Variants in ARL15 observed in about 807,000 individuals in gnomAD.
ARL15 encodes ADP-ribosylation factor-like protein 15.
In ARL15, 19 loss-of-function variants were observed where a neutral mutation model predicts 25.2. The observed-to-expected ratio is 0.75, with a 90% CI of 0.53 to 1.10. ARL15 has a LOEUF of 1.10. Among genes scored for constraint, ARL15 ranks in the 50% least tolerant of loss-of-function variants. The pLI, the probability that ARL15 is intolerant of heterozygous loss-of-function variation, is 0.00. For synonymous variants in ARL15, 94 were observed against 86.8 expected, an observed-to-expected ratio of 1.08 and a Z score of -0.46; for missense variants, 220 against 246.0, an observed-to-expected ratio of 0.89 and a Z score of 0.71.
intron 3 of ARL15, among the ~76,000 whole-genome samples, chr5:54,150,157 T>C (rs574271740): frequency 5.6e-4 from 85 of 152,340 alleles, no homozygotes; most frequent in Non-Finnish European, 1.2e-3. Flanking sequence ...CCACCACAAC[T>C]TTCTAGAACT....
intron 4 of ARL15, among the ~76,000 whole-genome samples, chr5:54,004,584 C>T (rs1162333923): frequency 2.0e-5 from 3 of 151,980 alleles, no homozygotes; most frequent in Non-Finnish European, 1.5e-5. Context: ...CCAGTGGCTT[C>T]GGTGGCAGAT....
At chr5:54,064,517 A>T (rs1751159899) in intron 4 of ARL15, among the ~76,000 whole-genome samples, 1 of 152,216 alleles carries the variant, frequency 6.6e-6, no homozygotes, top group African/African-American at 2.4e-5. Flanking sequence ...AGAAATGAGG[A>T]TTGAGAAAAA....
chr5:54,052,873 T>G (rs1215254195), intron 4 of ARL15, among the ~76,000 whole-genome samples: 2 of 152,064 alleles, frequency 1.3e-5, no homozygotes, highest in Non-Finnish European at 2.9e-5. Flanking sequence ...GACCAGGGCT[T>G]CTTCAACAAA....
At chr5:54,028,082 G>A (rs696196) in intron 4 of ARL15, among the ~76,000 whole-genome samples, 57,062 of 151,616 alleles carry the variant, frequency 0.38, 12,617 homozygotes, top group Admixed American at 0.49. Context: ...CACCACGCCC[G>A]GCTAATTTTT....
At chr5:53,925,587 G>A (rs1745993244) in intron 4 of ARL15, among the ~76,000 whole-genome samples, 1 of 152,208 alleles carries the variant, frequency 6.6e-6, no homozygotes, top group Non-Finnish European at 1.5e-5. Context: ...AGGATCGTTT[G>A]AGGTCAGGAG....
chr5:54,066,666 T>G (rs1391753341), intron 4 of ARL15, among the ~76,000 whole-genome samples: 2 of 152,150 alleles, frequency 1.3e-5, no homozygotes, highest in Admixed American at 1.3e-4. Flanking sequence ...TGGCATCTAG[T>G]GGACTGAGGC....
intron 4 of ARL15, among the ~76,000 whole-genome samples, chr5:54,107,519 T>A (rs746270948): frequency 3.9e-5 from 6 of 152,096 alleles, no homozygotes; most frequent in Non-Finnish European, 8.8e-5. Flanking sequence ...TGTTCTGCTC[T>A]GTGTTGAAAA....
At chr5:54,102,414 GT>G (rs1261454845) in intron 4 of ARL15, among the ~76,000 whole-genome samples, 1 of 152,098 alleles carries the variant, frequency 6.6e-6, no homozygotes, top group Non-Finnish European at 1.5e-5. Context: ...TTTGTGCCAT[GT>G]TTTGGAAAAT....
At position 53,914,654 on chromosome 5, in the gene ARL15, C is replaced by T. The variant is rs188294793; in HGVS notation, c.463-27941G>A. Among the ~76,000 whole-genome samples, 534 of 152,314 alleles carry T rather than the reference C, an allele frequency of 3.5e-3. 11 individuals are homozygous for T. The highest frequency in any genetic ancestry group is 0.03 in the Admixed American group (453 of 15,302). On this transcript the variant is annotated intron_variant, in intron 4 of 4. Coordinates refer to ENST00000504924, the MANE Select transcript of ARL15 (RefSeq NM_019087.3). ...AAGTAGACCCTCTCACTCATCTTGG[C>T]GAATTCCGCATCTGGAGCAAGGTCT...
chr5:54,259,308 G>A (rs1280227969), intron 1 of ARL15, among the ~76,000 whole-genome samples: 5 of 152,138 alleles, frequency 3.3e-5, no homozygotes, highest in African/African-American at 1.2e-4. Flanking sequence ...GGGGTTGGCT[G>A]CTGTCAAACA....
At chr5:54,037,004 A>G (rs1750188656) in intron 4 of ARL15, among the ~76,000 whole-genome samples, 1 of 152,114 alleles carries the variant, frequency 6.6e-6, no homozygotes, top group South Asian at 2.1e-4. Context: ...ATCTTTTATA[A>G]TTAAAACTGA....
intron 4 of ARL15, among the ~76,000 whole-genome samples, chr5:53,887,086 C>T (rs988723172): frequency 2.6e-5 from 4 of 152,192 alleles, no homozygotes; most frequent in African/African-American, 9.6e-5. Context: ...CTTTCACTAT[C>T]TCACCTTGCC....
At chr5:54,193,454 T>C (rs1412426680) in intron 1 of ARL15, among the ~76,000 whole-genome samples, 1 of 152,160 alleles carries the variant, frequency 6.6e-6, no homozygotes, top group Non-Finnish European at 1.5e-5. Flanking sequence ...CAAGGGAGCA[T>C]TGTGGCTTGA....
intron 1 of ARL15, among the ~76,000 whole-genome samples, chr5:54,256,650 A>C (rs982216581): frequency 6.6e-6 from 1 of 151,826 alleles, no homozygotes; most frequent in Admixed American, 6.6e-5. Flanking sequence ...AGAAAACTAC[A>C]GATCAATTTC....
At chr5:54,107,353 G>A (rs1752621737) in intron 4 of ARL15, among the ~76,000 whole-genome samples, 1 of 152,090 alleles carries the variant, frequency 6.6e-6, no homozygotes, top group African/African-American at 2.4e-5. Flanking sequence ...ATAGTGAGTG[G>A]TACATAAGCA....
chr5:54,014,440 C>T (rs1749346219), intron 4 of ARL15, among the ~76,000 whole-genome samples: 1 of 152,150 alleles, frequency 6.6e-6, no homozygotes, highest in Non-Finnish European at 1.5e-5. Flanking sequence ...CATTAATTCT[C>T]CCAAGTAATC....
chr5:54,105,732 G>A (rs559637439), intron 4 of ARL15, among the ~76,000 whole-genome samples: 194 of 152,142 alleles, frequency 1.3e-3, no homozygotes, highest in African/African-American at 4.3e-3. Context: ...ACAGGGGCGC[G>A]CCACCATGCC....
chr5:54,262,067 C>T (rs1757509280), intron 1 of ARL15, among the ~76,000 whole-genome samples: 1 of 151,932 alleles, frequency 6.6e-6, no homozygotes, highest in Non-Finnish European at 1.5e-5. Flanking sequence ...AGTTAAGGGC[C>T]ATTTCTCGGA....
At chr5:54,204,701 G>A (rs1420018472) in intron 1 of ARL15, among the ~76,000 whole-genome samples, 3 of 152,048 alleles carry the variant, frequency 2.0e-5, no homozygotes, top group South Asian at 2.1e-4. Context: ...ATTTTAAAAC[G>A]TAAAGGAGTT....
Sources: gnomAD v4.1 joint callset for allele counts (sites outside exome capture counted in the v4.1 genomes callset) on GRCh38, gnomAD v4.1.1 for gene constraint, MANE v1.5 for transcripts, NCBI Gene and HGNC (gene_info 2026-07-23, HGNC 2026-07-21) for gene names.